Variants in NIBAN1 observed in about 807,000 individuals in gnomAD.
The protein encoded by NIBAN1 is niban apoptosis regulator 1.
In NIBAN1, 81 loss-of-function variants were observed where a neutral mutation model predicts 75.1. The observed-to-expected ratio is 1.08, with a 90% CI of 0.90 to 1.30. The LOEUF (loss-of-function observed/expected upper bound fraction) is 1.30. Among genes scored for constraint, NIBAN1 ranks in the 50% most tolerant of loss-of-function variants. The pLI, the probability that NIBAN1 is intolerant of heterozygous loss-of-function variation, is 0.00. For missense variants in NIBAN1, 1,133 were observed against 1,128.1 expected, an observed-to-expected ratio of 1.00 and a Z score of -0.06; for synonymous variants, 436 against 424.8, an observed-to-expected ratio of 1.03 and a Z score of -0.32.
At chr1:184,828,893 C>T (rs1199607046) in intron 6 of NIBAN1, among the ~76,000 whole-genome samples, 2 of 151,968 alleles carry the variant, frequency 1.3e-5, no homozygotes, top group East Asian at 3.9e-4. Context: ...ACCTCATGGG[C>T]TCAAATGATC....
At chr1:184,945,326 T>A (rs1658194094) in intron 1 of NIBAN1, among the ~76,000 whole-genome samples, 1 of 138,372 alleles carries the variant, frequency 7.2e-6, no homozygotes, top group Non-Finnish European at 1.6e-5. Context: ...TTAACCACCC[T>A]CCACTCATCC....
intron 5 of NIBAN1, among the ~76,000 whole-genome samples, chr1:184,877,173 A>G (rs1294840225): frequency 6.6e-6 from 1 of 152,240 alleles, no homozygotes; most frequent in Non-Finnish European, 1.5e-5. Flanking sequence ...GAAAGTCAAT[A>G]AATTGCAGCT....
chr1:184,932,206 A>G (rs1191250596), intron 1 of NIBAN1, among the ~76,000 whole-genome samples: 3 of 152,274 alleles, frequency 2.0e-5, no homozygotes, highest in Middle Eastern at 3.4e-3. Flanking sequence ...TGGTTTTGGG[A>G]TGATTCAAGT....
intron 2 of NIBAN1, 47 bp from the exon 3 acceptor site, chr1:184,894,253 A>T: frequency 1.3e-6 from 2 of 1,528,740 alleles, no homozygotes; most frequent in Non-Finnish European, 1.7e-6. Context: ...AAGATAACAC[A>T]CCTTGTTACC....
intron 1 of NIBAN1, among the ~76,000 whole-genome samples, chr1:184,971,375 A>G (rs1658931855): frequency 6.7e-6 from 1 of 149,484 alleles, no homozygotes; most frequent in East Asian, 2.0e-4. Flanking sequence ...TTTCTTCCTC[A>G]TTAAAAAAAA....
intron 1 of NIBAN1, among the ~76,000 whole-genome samples, chr1:184,965,505 G>T (rs1658759587): frequency 6.6e-6 from 1 of 152,172 alleles, no homozygotes; most frequent in African/African-American, 2.4e-5. Flanking sequence ...CATGGATGGA[G>T]CTGGAGGTCA....
rs547001470 is a variant in NIBAN1, at chr1:184,873,110, A to G, written c.601+11523T>C. On this transcript the variant is annotated intron_variant, in intron 5 of 13. Transcript: ENST00000367511. ...GTGACAGGAAAATAATTGCTGCACC[A>G]AAATTTCATATGCAGTGAAAGTATC... 1.3e-4 allele frequency among the ~76,000 whole-genome samples: 20 copies of G among 152,376 alleles called. No homozygotes were observed. The South Asian group carries it at 4.1e-3, about 32-fold the overall frequency.
At chr1:184,797,197 T>C (rs1234041147) in intron 13 of NIBAN1, among the ~76,000 whole-genome samples, 1 of 148,956 alleles carries the variant, frequency 6.7e-6, no homozygotes, top group Non-Finnish European at 1.5e-5. Flanking sequence ...TGGAGTGCAA[T>C]GGCACAATCT....
At chr1:184,883,686 C>T (rs545592256) in intron 5 of NIBAN1, among the ~76,000 whole-genome samples, 1 of 152,306 alleles carries the variant, frequency 6.6e-6, no homozygotes, top group African/African-American at 2.4e-5. Flanking sequence ...CAGTGCCACT[C>T]GGCCGTGTGC....
intron 12 of NIBAN1, among the ~76,000 whole-genome samples, chr1:184,799,897 T>C (rs564468033): frequency 1.0e-5 from 1 of 98,166 alleles, no homozygotes; most frequent in Non-Finnish European, 1.9e-5. Context: ...AGGCGCCCGC[T>C]ACCACGCCCA....
At chr1:184,899,419 C>A (rs1010369461) in intron 1 of NIBAN1, 110 bp from the exon 2 acceptor site, 2 of 1,147,592 alleles carry the variant, frequency 1.7e-6, no homozygotes, top group African/African-American at 3.1e-5. Flanking sequence ...CCTCCAGTCA[C>A]CCCTGTTTCT....
chr1:184,964,153 T>C (rs1361211338), intron 1 of NIBAN1, among the ~76,000 whole-genome samples: 1 of 151,836 alleles, frequency 6.6e-6, no homozygotes, highest in East Asian at 1.9e-4. Context: ...TTTGCAGGAA[T>C]GAGAATCCTG....
chr1:184,879,660 T>G (rs1277264371), intron 5 of NIBAN1, among the ~76,000 whole-genome samples: 2 of 151,932 alleles, frequency 1.3e-5, no homozygotes, highest in African/African-American at 4.9e-5. Flanking sequence ...TTTGTTGTTC[T>G]AAATTTCAAT....
At chr1:184,960,623 A>ATGTTGTTGTTGT (rs59022150) in intron 1 of NIBAN1, among the ~76,000 whole-genome samples, 8,018 of 150,152 alleles carry the variant, frequency 0.053, 239 homozygotes, top group African/African-American at 0.073. Context: ...CAACAACAAA[A>ATGTTGTTGTTGT]TGTTGTTGTT....
At chr1:184,865,277 T>A (rs1404526883) in intron 5 of NIBAN1, among the ~76,000 whole-genome samples, 1 of 152,110 alleles carries the variant, frequency 6.6e-6, no homozygotes, top group African/African-American at 2.4e-5. Flanking sequence ...ACTACACAGC[T>A]ATTAAAAAAA....
chr1:184,895,700 T>C (rs1440749181), intron 2 of NIBAN1, among the ~76,000 whole-genome samples: 2 of 152,156 alleles, frequency 1.3e-5, no homozygotes, highest in Non-Finnish European at 2.9e-5. Flanking sequence ...TTTTCAACCC[T>C]TACTCCCCTC....
chr1:184,945,973 T>C, intron 1 of NIBAN1, among the ~76,000 whole-genome samples: 1 of 150,944 alleles, frequency 6.6e-6, no homozygotes, highest in East Asian at 2.0e-4. Flanking sequence ...AGTTCTATTA[T>C]GACCTGATTT....
chr1:184,950,467 C>A (rs1298405030), intron 1 of NIBAN1, among the ~76,000 whole-genome samples: 2 of 152,132 alleles, frequency 1.3e-5, no homozygotes, highest in African/African-American at 2.4e-5. Context: ...GGCCATTAAG[C>A]TAGGTAAAAA....
chr1:184,806,205 C>A, intron 10 of NIBAN1, 149 bp from the exon 11 acceptor site: 1 of 613,100 alleles, frequency 1.6e-6, no homozygotes, highest in Non-Finnish European at 2.9e-6. Context: ...GGCAACATCA[C>A]CCCATCACCA....
Sources: gnomAD v4.1 joint callset for allele counts (sites outside exome capture counted in the v4.1 genomes callset) on GRCh38, gnomAD v4.1.1 for gene constraint, MANE v1.5 for transcripts, NCBI Gene and HGNC (gene_info 2026-07-23, HGNC 2026-07-21) for gene names.